Variants in SLC16A10 observed in about 807,000 individuals in gnomAD.
SLC16A10 encodes monocarboxylate transporter 10.
A neutral mutation model predicts 40.0 loss-of-function variants in SLC16A10; 27 were observed. That is an observed-to-expected ratio of 0.67 (90% CI 0.50 to 0.93). SLC16A10 has a LOEUF of 0.93. SLC16A10 is among the 40% of genes least tolerant of loss of function. SLC16A10 has a pLI of 0.00. For synonymous variants in SLC16A10, 213 were observed against 249.8 expected, an observed-to-expected ratio of 0.85 and a Z score of 1.39; for missense variants, 529 against 658.2, an observed-to-expected ratio of 0.80 and a Z score of 2.15.
At chr6:111,221,907 TGATGTCTGA>T in intron 5 of SLC16A10, 87 bp from the exon 6 acceptor site, 1 of 1,151,232 alleles carries the variant, frequency 8.7e-7, no homozygotes, top group Non-Finnish European at 1.2e-6. Flanking sequence ...AAAAAAAGTC[TGATGTCTGA>T]GATGTCTGAA....
Position 111,171,123 on chromosome 6 carries a change from C to T in SLC16A10, c.344-1572C>T, listed in dbSNP as rs540538135. Among the ~76,000 whole-genome samples, 51 of 152,118 alleles carry T rather than the reference C, an allele frequency of 3.4e-4. 1 individual carries two copies. In the South Asian group the frequency reaches 9.3e-3, roughly 28 times the overall value. On this transcript the variant is annotated intron_variant, in intron 1 of 5. Coordinates refer to ENST00000368851, the MANE Select transcript of SLC16A10 (RefSeq NM_018593.5). ...CCGCACTCCAGCCTGGGTGACACAG[C>T]GAGACCCTGTCTCATTAAAAAAAGA...
chr6:111,092,315 GTTTTTT>G (rs1173275647), intron 1 of SLC16A10, among the ~76,000 whole-genome samples: 1 of 98,594 alleles, frequency 1.0e-5, no homozygotes, highest in Non-Finnish European at 1.9e-5. Flanking sequence ...TTTTTTTGTT[GTTTTTT>G]TTTTTTTTTT....
rs144943928 is a variant in SLC16A10 at position 111,181,746 on chromosome 6, G to A, written c.942+4081G>A. 5.3e-5 allele frequency among the ~76,000 whole-genome samples: 8 copies of A among 152,288 alleles called. No individual in the cohort carries two copies. In the East Asian group the frequency reaches 9.6e-4, roughly 18 times the overall value. Reference sequence around the variant, plus strand: ...GTGAGGTTGGAGGTTTGATCTTCTCGTAGTTGACGTTTCAAAAAGAAGAAT... The same window carrying A: ...GTGAGGTTGGAGGTTTGATCTTCTCATAGTTGACGTTTCAAAAAGAAGAAT... On this transcript the variant is annotated intron_variant, in intron 3 of 5. Transcript: ENST00000368851.
At chr6:111,145,628 T>A (rs981374064) in intron 1 of SLC16A10, among the ~76,000 whole-genome samples, 3 of 151,932 alleles carry the variant, frequency 2.0e-5, no homozygotes, top group Non-Finnish European at 2.9e-5. Context: ...ACAAGAAGAT[T>A]ACTTGAGGCT....
In SLC16A10 at chr6:111,151,950, A is replaced by T. The variant is rs1321979444; in HGVS notation, c.344-20745A>T. On this transcript the variant is annotated intron_variant, in intron 1 of 5. Coordinates refer to ENST00000368851, the MANE Select transcript of SLC16A10 (RefSeq NM_018593.5). ...CAACACACAGTACACACCTTGGTCG[A>T]TTATCACACTGTTTGTTGTTCTGCC... 1.3e-5 allele frequency among the ~76,000 whole-genome samples: 2 copies of T among 152,060 alleles called. 1 individual carries two copies. Among genetic ancestry groups the T allele is most frequent in the Admixed American group, 1.3e-4 (2 of 15,268 alleles).
At position 111,230,427 on chromosome 6, in the gene SLC16A10, A is replaced by G. The variant is rs2114604580; in HGVS notation, c.*8192A>G. ...ATGCATTCACAATCCAGTACACTGG[A>G]TTTGCTCTGGTAACTAATGATAACA... is the stretch of plus-strand genomic sequence containing the variant. On this transcript the variant is annotated 3_prime_UTR_variant, in exon 6 of 6. Transcript: ENST00000368851. 1 of 152,312 alleles carries G rather than the reference A, an allele frequency of 6.6e-6. No homozygotes were observed. The highest frequency in any genetic ancestry group is 2.1e-4 in the South Asian group (1 of 4,828). 9.4% of individuals were successfully genotyped at this position (152,312 alleles called of 1,614,324 possible).
chr6:111,118,124 C>T (rs564911280), intron 1 of SLC16A10, among the ~76,000 whole-genome samples: 1 of 152,280 alleles, frequency 6.6e-6, no homozygotes, highest in South Asian at 2.1e-4. Context: ...GAATGCACAA[C>T]ATAATTTAAG....
intron 3 of SLC16A10, among the ~76,000 whole-genome samples, chr6:111,194,250 G>A (rs538838474): frequency 6.6e-6 from 1 of 152,238 alleles, no homozygotes; most frequent in East Asian, 1.9e-4. Flanking sequence ...GTTCTTCAAT[G>A]TATAATAAGG....
At chr6:111,209,774 C>A (rs1307403426) in intron 4 of SLC16A10, among the ~76,000 whole-genome samples, 1 of 152,046 alleles carries the variant, frequency 6.6e-6, no homozygotes, top group Non-Finnish European at 1.5e-5. Flanking sequence ...TAGCTAGTGA[C>A]AAAGAGGCTG....
chr6:111,100,992 C>CTA (rs71021826), intron 1 of SLC16A10, among the ~76,000 whole-genome samples: 307 of 66,344 alleles, frequency 4.6e-3, no homozygotes, highest in East Asian at 9.3e-3. Context: ...CTCTCTCTCT[C>CTA]TATATATATA....
intron 3 of SLC16A10, among the ~76,000 whole-genome samples, chr6:111,187,859 C>T (rs919686739): frequency 1.9e-4 from 29 of 152,146 alleles, no homozygotes; most frequent in East Asian, 1.9e-4. Flanking sequence ...GGTTGTTATG[C>T]GGCAGATTGT....
chr6:111,091,985 C>A (rs1770983668), intron 1 of SLC16A10, among the ~76,000 whole-genome samples: 1 of 152,062 alleles, frequency 6.6e-6, no homozygotes, highest in Non-Finnish European at 1.5e-5. Flanking sequence ...TAGAATATTT[C>A]CCTGAAGGAT....
intron 1 of SLC16A10, among the ~76,000 whole-genome samples, chr6:111,109,455 T>A: frequency 8.1e-6 from 1 of 123,468 alleles, no homozygotes; most frequent in Non-Finnish European, 1.6e-5. Flanking sequence ...CTATGCCACA[T>A]TTTTTTTTTT....
At position 111,222,388 on chromosome 6, in the gene SLC16A10, C is replaced by A; in HGVS notation, c.*153C>A. The A allele has an allele frequency of 1.1e-6, 1 of 913,866 alleles. No homozygotes were observed. The highest frequency in any genetic ancestry group is 3.2e-5 in the East Asian group (1 of 31,172). The allele number at this position is 913,866 out of a possible 1,614,324, so 56.6% of individuals were successfully genotyped here. ...ATAGAACCCTTATCACTAGAAGAAC[C>A]ATTTTCTGCCACTAAATATCTCTGA... On this transcript the variant is annotated 3_prime_UTR_variant, in exon 6 of 6. Transcript: ENST00000368851.
intron 1 of SLC16A10, among the ~76,000 whole-genome samples, chr6:111,109,955 G>T (rs1430733079): frequency 6.6e-6 from 1 of 152,034 alleles, no homozygotes; most frequent in Non-Finnish European, 1.5e-5. Context: ...GGGTAATACT[G>T]TGTACTTTTT....
intron 3 of SLC16A10, among the ~76,000 whole-genome samples, chr6:111,198,789 A>G (rs533470665): frequency 6.6e-6 from 1 of 152,340 alleles, no homozygotes; most frequent in Non-Finnish European, 1.5e-5. Context: ...TTGCATGCAC[A>G]TTTAGCCGAT....
chr6:111,196,524 A>G (rs1338463231), intron 3 of SLC16A10, among the ~76,000 whole-genome samples: 1 of 152,016 alleles, frequency 6.6e-6, no homozygotes, highest in Non-Finnish European at 1.5e-5. Flanking sequence ...AAAACAAAAT[A>G]CAGGCTGGGC....
At chr6:111,217,455 G>GTTT (rs1770776506) in intron 4 of SLC16A10, among the ~76,000 whole-genome samples, 1 of 137,816 alleles carries the variant, frequency 7.3e-6, no homozygotes, top group Admixed American at 7.3e-5. Flanking sequence ...TGTTGTTGTT[G>GTTT]TTGTTGTTGT....
chr6:111,182,143 C>T (rs770841094), intron 3 of SLC16A10, among the ~76,000 whole-genome samples: 2 of 151,586 alleles, frequency 1.3e-5, no homozygotes, highest in Non-Finnish European at 2.9e-5. Context: ...GGATTACAGG[C>T]GCCTGCCACC....
Sources: gnomAD v4.1 joint callset for allele counts (sites outside exome capture counted in the v4.1 genomes callset) on GRCh38, gnomAD v4.1.1 for gene constraint, MANE v1.5 for transcripts, NCBI Gene and HGNC (gene_info 2026-07-23, HGNC 2026-07-21) for gene names.